OSBPL2: variants seen among roughly 807,000 people sequenced by gnomAD.
OSBPL2 encodes the protein oxysterol-binding protein-related protein 2.
Under a neutral mutation model 58.4 loss-of-function variants are expected in OSBPL2, and 18 were observed. The observed-to-expected ratio is 0.31, with a 90% confidence interval of 0.21 to 0.46. The LOEUF (loss-of-function observed/expected upper bound fraction) is 0.46. Among genes scored for constraint, OSBPL2 ranks in the 20% least tolerant of loss-of-function variants. The probability of loss-of-function intolerance (pLI) is 1.00; values close to 1 mark genes in which losing one functional copy is unlikely to be tolerated. For missense variants in OSBPL2, 461 were observed against 616.5 expected, an observed-to-expected ratio of 0.75 and a Z score of 2.67; for synonymous variants, 221 against 234.1, an observed-to-expected ratio of 0.94 and a Z score of 0.51.
chr20:62,276,575 C>G (rs1386163643), intron 6 of OSBPL2, among the ~76,000 whole-genome samples: 1 of 152,236 alleles, frequency 6.6e-6, no homozygotes, highest in Admixed American at 6.5e-5. Context: ...TTGGCTGGCA[C>G]TGGGCAGCCG....
At chr20:62,270,547 C>T in intron 4 of OSBPL2, among the ~76,000 whole-genome samples, 1 of 57,956 alleles carries the variant, frequency 1.7e-5, no homozygotes, top group East Asian at 5.6e-4. Context: ...CTCTCCTTGT[C>T]CCTCCTGGCC....
At chr20:62,266,562 A>G (rs1281391939) in intron 4 of OSBPL2, among the ~76,000 whole-genome samples, 1 of 150,558 alleles carries the variant, frequency 6.6e-6, no homozygotes, top group Non-Finnish European at 1.5e-5. Flanking sequence ...CTCGTTCTGG[A>G]TCCGAGGTGA....
At chr20:62,273,225 C>T in intron 5 of OSBPL2, 84 bp from the exon 6 acceptor site, 1 of 1,024,240 alleles carries the variant, frequency 9.8e-7, no homozygotes, top group Non-Finnish European at 1.5e-6. Flanking sequence ...AAACCAGGTG[C>T]CCACCGCCCT....
chr20:62,246,274 G>A (rs1401719330), intron 1 of OSBPL2, among the ~76,000 whole-genome samples: 1 of 152,240 alleles, frequency 6.6e-6, no homozygotes, highest in African/African-American at 2.4e-5. Context: ...CTGTTGAAGT[G>A]AAGTCAATTC....
intron 2 of OSBPL2, among the ~76,000 whole-genome samples, chr20:62,256,657 G>C (rs1980942492): frequency 6.6e-6 from 1 of 152,228 alleles, no homozygotes; most frequent in Admixed American, 6.5e-5. Flanking sequence ...TAAAGTGGCG[G>C]CATGCAGCCT....
At chr20:62,266,504 G>A (rs146030192) in intron 4 of OSBPL2, among the ~76,000 whole-genome samples, 49 of 152,180 alleles carry the variant, frequency 3.2e-4, no homozygotes, top group African/African-American at 1.1e-3. Flanking sequence ...TTCTGGATCC[G>A]CAGTGATTGG....
At chr20:62,245,066 G>A (rs572916255) in intron 1 of OSBPL2, among the ~76,000 whole-genome samples, 1 of 152,196 alleles carries the variant, frequency 6.6e-6, no homozygotes, top group Admixed American at 6.5e-5. Flanking sequence ...GTGTGTCCAC[G>A]CTGGTGTCTT....
At chr20:62,289,608 A>G (rs1185664414) in intron 12 of OSBPL2, among the ~76,000 whole-genome samples, 1 of 152,214 alleles carries the variant, frequency 6.6e-6, no homozygotes, top group Middle Eastern at 3.2e-3. Flanking sequence ...AATACATACA[A>G]AGTACAAATC....
At position 62,293,193 on chromosome 20, in the gene OSBPL2, A is replaced by T. The variant is rs1042520943; in HGVS notation, c.1341-592A>T. Among the ~76,000 whole-genome samples, 9 of 151,578 alleles carry T rather than the reference A, an allele frequency of 5.9e-5. No individual in the cohort carries two copies. In the East Asian group the frequency reaches 1.4e-3, roughly 23 times the overall value. ...ATTGTTTTTTTAAAGTGTTAAAAAA[A>T]ATATACTGTGAAAATAATGATCTTT... is the stretch of plus-strand genomic sequence containing the variant. On this transcript the variant is annotated intron_variant, in intron 13 of 13. Transcript: ENST00000313733.
intron 4 of OSBPL2, among the ~76,000 whole-genome samples, chr20:62,266,287 TGTG>T: frequency 6.6e-6 from 1 of 152,258 alleles, no homozygotes; most frequent in Non-Finnish European, 1.5e-5. Context: ...GGAGGGGCCT[TGTG>T]GGGCAGCTCC....
In OSBPL2 at chr20:62,288,379, G is replaced by A. The variant is rs866069907; in HGVS notation, c.1126-828G>A. Among the ~76,000 whole-genome samples the A allele has an allele frequency of 1.0e-4, 15 of 145,400 alleles. No individual in the cohort carries two copies. Among genetic ancestry groups the A allele is most frequent in the South Asian group, 6.3e-4 (3 of 4,796 alleles). On this transcript the variant is annotated intron_variant, in intron 11 of 13. Transcript: ENST00000313733. This position sits in a 1 kb window ranked among gnomAD's most constrained non-coding sequence, Gnocchi z 4.8. ...CAGGGCCCTGAGGGCTGCAGAGGCCGGAGGCTGTGGGTGCAGAGGCTGGGA... is the reference window on the plus strand; with the variant it reads ...CAGGGCCCTGAGGGCTGCAGAGGCCAGAGGCTGTGGGTGCAGAGGCTGGGA...
chr20:62,268,049 A>ATTTT (rs149417240), intron 4 of OSBPL2, among the ~76,000 whole-genome samples: 1 of 116,186 alleles, frequency 8.6e-6, no homozygotes, highest in Non-Finnish European at 1.8e-5. Flanking sequence ...TGCCCGGCTA[A>ATTTT]TTTTTTTTTT....
intron 3 of OSBPL2, 55 bp from the exon 4 acceptor site, chr20:62,263,561 G>C (rs896467747): frequency 2.3e-6 from 3 of 1,312,348 alleles, no homozygotes; most frequent in Non-Finnish European, 3.3e-6. Flanking sequence ...GCCTCCTTGA[G>C]TGGTCAGAGT....
intron 6 of OSBPL2, among the ~76,000 whole-genome samples, chr20:62,276,668 GC>G (rs1982404071): frequency 6.6e-6 from 1 of 152,196 alleles, no homozygotes; most frequent in African/African-American, 2.4e-5. Context: ...GCAGGGTCCA[GC>G]AGGCAACTGT....
In OSBPL2 at chr20:62,270,951, T is replaced by C. The variant is rs1236113797; in HGVS notation, c.259-1174T>C. On this transcript the variant is annotated intron_variant, in intron 4 of 13. Coordinates refer to ENST00000313733, the MANE Select transcript of OSBPL2 (RefSeq NM_144498.4). The stretch of plus-strand genomic sequence containing the variant: ...CCTCTCCTTGTCCCTCTCTGGGTCC[T>C]CTCCTTGTCCCTCTCTGGCCTCTCT... Among the ~76,000 whole-genome samples, 3 of 89,758 alleles carry C rather than the reference T, an allele frequency of 3.3e-5. No homozygotes were observed. In the East Asian group the frequency reaches 1.0e-3, roughly 31 times the overall value. The allele number at this position is 89,758 out of a possible 152,430, so 58.9% of individuals were successfully genotyped here. A position where few individuals can be genotyped will look rare whatever the true frequency, so the allele number is the denominator to read the frequency against.
chr20:62,293,901 C>T lies in OSBPL2; in HGVS notation c.*14C>T, dbSNP rs374805622. 117 of 1,611,938 alleles carry T rather than the reference C, an allele frequency of 7.3e-5. 2 individuals carry two copies. The Admixed American group carries it at 1.9e-3, about 27-fold the overall frequency. ...GATATCTACTGAGGGCCTGGAGGGG[C>T]CTGGGGCCCGGGACCGGAGGCTGAC... is the stretch of plus-strand genomic sequence containing the variant. On this transcript the variant is annotated 3_prime_UTR_variant, in exon 14 of 14. Coordinates refer to ENST00000313733, the MANE Select transcript of OSBPL2 (RefSeq NM_144498.4).
At chr20:62,281,451 C>T (rs939017955) in intron 8 of OSBPL2, 26 of 508,034 alleles carry the variant, frequency 5.1e-5, no homozygotes, top group South Asian at 3.1e-4. Flanking sequence ...TGGCCGTCCA[C>T]GGCCGTTGGC....
chr20:62,244,045 G>A (rs542344207), intron 1 of OSBPL2, among the ~76,000 whole-genome samples: 2 of 152,154 alleles, frequency 1.3e-5, no homozygotes, highest in African/African-American at 4.8e-5. Context: ...AGATGGGCAC[G>A]ATGGTGAGGA....
chr20:62,274,197 T>C (rs1222982041), intron 6 of OSBPL2, among the ~76,000 whole-genome samples: 1 of 152,228 alleles, frequency 6.6e-6, no homozygotes, highest in Non-Finnish European at 1.5e-5. Context: ...TGGGGACTGC[T>C]GTGGTTATTC....
Sources: gnomAD v4.1 joint callset for allele counts (sites outside exome capture counted in the v4.1 genomes callset) on GRCh38, gnomAD v4.1.1 for gene constraint, Gnocchi (gnomAD v3.1) non-coding constraint, MANE v1.5 for transcripts, NCBI Gene and HGNC (gene_info 2026-07-23, HGNC 2026-07-21) for gene names.